KIRREL3: variants seen among roughly 807,000 people sequenced by gnomAD.
KIRREL3 encodes kin of IRRE-like protein 3.
Under a neutral mutation model 89.7 loss-of-function variants are expected in KIRREL3, and 36 were observed. That is an observed-to-expected ratio of 0.40 (90% CI 0.31 to 0.53). The LOEUF (loss-of-function observed/expected upper bound fraction) is 0.53, where lower values mean the gene tolerates loss of function less well. Among genes scored for constraint, KIRREL3 ranks in the 20% least tolerant of loss-of-function variants. The probability of loss-of-function intolerance (pLI) is 0.49; values close to 1 mark genes in which losing one functional copy is unlikely to be tolerated. For missense variants in KIRREL3, 864 were observed against 1,056.6 expected, an observed-to-expected ratio of 0.82 and a Z score of 2.53; for synonymous variants, 445 against 441.4, an observed-to-expected ratio of 1.01 and a Z score of -0.10.
intron 1 of KIRREL3, among the ~76,000 whole-genome samples, chr11:126,923,155 CTTCTTCTTCT>C (rs1947448700): frequency 4.7e-5 from 1 of 21,062 alleles, no homozygotes; most frequent in Admixed American, 6.0e-4. Flanking sequence ...TCTTCTTCTT[CTTCTTCTTCT>C]TCTTCTTCTT....
chr11:126,457,413 GTGTA>G lies in KIRREL3; in HGVS notation c.743-963_743-960del, dbSNP rs1432844451. ...TGTGTGTGTATGTGTGTATGCACGTGTGTATGTGTGTCTATGCGTGTGTGTATGT... is the reference window on the plus strand; with the variant it reads ...TGTGTGTGTATGTGTGTATGCACGTGTGTGTGTCTATGCGTGTGTGTATGT... On this transcript the variant is annotated intron_variant, in intron 6 of 16. Coordinates refer to ENST00000525144, the MANE Select transcript of KIRREL3 (RefSeq NM_032531.4). Among the ~76,000 whole-genome samples the G allele has an allele frequency of 2.0e-5, 3 of 151,736 alleles. No homozygotes were observed. In the East Asian group the frequency reaches 5.8e-4, roughly 29 times the overall value.
chr11:126,858,892 A>C (rs1052498112), intron 1 of KIRREL3, among the ~76,000 whole-genome samples: 1 of 152,188 alleles, frequency 6.6e-6, no homozygotes, highest in African/African-American at 2.4e-5. Flanking sequence ...TTTTCCTAGG[A>C]AAAAGATTAT....
At chr11:126,637,004 C>T (rs977748226) in intron 1 of KIRREL3, among the ~76,000 whole-genome samples, 18 of 152,108 alleles carry the variant, frequency 1.2e-4, no homozygotes, top group African/African-American at 4.1e-4. Flanking sequence ...ACTAGGCTAC[C>T]TCCCTTCCTC....
chr11:126,497,141 A>C (rs992653374), intron 4 of KIRREL3, among the ~76,000 whole-genome samples: 9 of 151,908 alleles, frequency 5.9e-5, no homozygotes, highest in East Asian at 1.9e-4. Flanking sequence ...TGACAGAGAG[A>C]GAGCGAGAGA....
At chr11:126,968,108 T>C (rs1359499014) in intron 1 of KIRREL3, among the ~76,000 whole-genome samples, 1 of 152,218 alleles carries the variant, frequency 6.6e-6, no homozygotes, top group Non-Finnish European at 1.5e-5. Context: ...AATGTAGAGT[T>C]GTTGGATTTT....
chr11:126,861,937 T>C (rs1350015234), intron 1 of KIRREL3, among the ~76,000 whole-genome samples: 1 of 152,200 alleles, frequency 6.6e-6, no homozygotes, highest in East Asian at 1.9e-4. Context: ...TCTCTAAACC[T>C]TTCCCATCAG....
At position 126,991,780 on chromosome 11, in the gene KIRREL3, T is replaced by C. The variant is rs1468910317; in HGVS notation, c.55+8675A>G. Among the ~76,000 whole-genome samples the C allele has an allele frequency of 6.6e-6, 1 of 152,200 alleles. No individual in the cohort carries two copies. Among genetic ancestry groups the C allele is most frequent in the East Asian group, 1.9e-4 (1 of 5,194 alleles). ...CTAGACACTGGGGATTGCCACAAAT[T>C]ATAAGACTATGACCTGTCTTATGAC... On this transcript the variant is annotated intron_variant, in intron 1 of 16. Transcript: ENST00000525144. This position sits in a 1 kb window ranked among gnomAD's most constrained non-coding sequence, Gnocchi z 5.8.
At position 126,615,458 on chromosome 11, in the gene KIRREL3, T is replaced by C. The variant is rs1943303921; in HGVS notation, c.56-52546A>G. 6.6e-6 allele frequency among the ~76,000 whole-genome samples: 1 copy of C among 152,186 alleles called. No homozygotes were observed. Among genetic ancestry groups the C allele is most frequent in the Non-Finnish European group, 1.5e-5 (1 of 68,034 alleles). The stretch of plus-strand genomic sequence containing the variant: ...ACCAGAGCTTTGGGAGGTTAAGGAA[T>C]GGGCAAAATCACAGCCAGTAGGTAG... On this transcript the variant is annotated intron_variant, in intron 1 of 16. Coordinates refer to ENST00000525144, the MANE Select transcript of KIRREL3 (RefSeq NM_032531.4). This position sits in a 1 kb window ranked among gnomAD's most constrained non-coding sequence, Gnocchi z 5.4.
At position 126,426,876 on chromosome 11, in the gene KIRREL3, A is replaced by C. The variant is rs147199226; in HGVS notation, c.1807-1152T>G. Among the ~76,000 whole-genome samples, 350 of 152,274 alleles carry C rather than the reference A, an allele frequency of 2.3e-3. 2 individuals are homozygous for C. Among genetic ancestry groups the C allele is most frequent in the African/African-American group, 7.1e-3 (295 of 41,548 alleles). On this transcript the variant is annotated intron_variant, in intron 15 of 16. Transcript: ENST00000525144. ...CAGTAAATGCTCTGGCACTGTCTGG[A>C]CTGGAGACCTTCTTTCCCATCAGAT...
intron 1 of KIRREL3, among the ~76,000 whole-genome samples, chr11:126,864,351 C>T (rs373872597): frequency 3.9e-5 from 6 of 152,238 alleles, no homozygotes; most frequent in East Asian, 3.9e-4. Flanking sequence ...GGAGCATCTC[C>T]GCTCCTTTTT....
At position 126,615,240 on chromosome 11, in the gene KIRREL3, C is replaced by A. The variant is rs1943296063; in HGVS notation, c.56-52328G>T. Among the ~76,000 whole-genome samples the A allele has an allele frequency of 6.6e-6, 1 of 152,170 alleles. No homozygotes were observed. The highest frequency in any genetic ancestry group is 1.5e-5 in the Non-Finnish European group (1 of 68,028). On this transcript the variant is annotated intron_variant, in intron 1 of 16. Transcript: ENST00000525144. The surrounding 1 kb of genome is among the most constrained non-coding windows in gnomAD (Gnocchi z 5.4). ...TTCTCTACAATGAGACGACATCTTT[C>A]TCATCTCTGTATTCTCAGCACCTAA...
In KIRREL3 at chr11:126,917,498, A is replaced by C. The variant is rs1947088613; in HGVS notation, c.55+82957T>G. ...ACCACAATAAAAAAATTAAAAAAAA[A>C]CAAGGAAAAACCTGCAAACAACAAA... On this transcript the variant is annotated intron_variant, in intron 1 of 16. Coordinates refer to ENST00000525144, the MANE Select transcript of KIRREL3 (RefSeq NM_032531.4). The surrounding 1 kb of genome is among the most constrained non-coding windows in gnomAD (Gnocchi z 5.0). Among the ~76,000 whole-genome samples the C allele has an allele frequency of 6.6e-6, 1 of 151,716 alleles. No individual in the cohort carries two copies. The highest frequency in any genetic ancestry group is 2.4e-5 in the African/African-American group (1 of 41,182).
Position 126,978,250 on chromosome 11 carries a change from C to T in KIRREL3, c.55+22205G>A, listed in dbSNP as rs1458037063. On this transcript the variant is annotated intron_variant, in intron 1 of 16. Transcript: ENST00000525144. This position sits in a 1 kb window ranked among gnomAD's most constrained non-coding sequence, Gnocchi z 4.2. ...CCAACATTTTCTTTGAAAGGTGACC[C>T]TGCTCCACTTCCTCTACCAACATTC... Among the ~76,000 whole-genome samples the T allele has an allele frequency of 6.6e-6, 1 of 152,174 alleles. No individual in the cohort carries two copies. The highest frequency in any genetic ancestry group is 1.5e-5 in the Non-Finnish European group (1 of 68,026).
chr11:126,887,844 T>A (rs984564392), intron 1 of KIRREL3, among the ~76,000 whole-genome samples: 4 of 152,164 alleles, frequency 2.6e-5, no homozygotes, highest in African/African-American at 4.8e-5. Context: ...CAGAATCAGT[T>A]AAACATAGGT....
rs764660716 is a variant in KIRREL3, at chr11:126,463,144, G to A, written c.742+13C>T. 2 of 1,611,180 alleles carry A rather than the reference G, an allele frequency of 1.2e-6. No homozygotes were observed. Among genetic ancestry groups the A allele is most frequent in the Non-Finnish European group, 1.7e-6 (2 of 1,178,910 alleles). On this transcript the variant is annotated intron_variant, in intron 6 of 16. Coordinates refer to ENST00000525144, the MANE Select transcript of KIRREL3 (RefSeq NM_032531.4). The surrounding 1 kb of genome is among the most constrained non-coding windows in gnomAD (Gnocchi z 5.9). ...CTGGCAGGGCTGGGTTGGGGGAGGG[G>A]GTGGGTACTCACGCTGGATGTCAAT...
chr11:126,820,800 C>G (rs1729659519), intron 1 of KIRREL3, among the ~76,000 whole-genome samples: 1 of 152,154 alleles, frequency 6.6e-6, no homozygotes, highest in Admixed American at 6.5e-5. Flanking sequence ...CCTTTTGTCA[C>G]TCACTGGCCG....
intron 1 of KIRREL3, among the ~76,000 whole-genome samples, chr11:126,718,758 C>G (rs1027053072): frequency 6.6e-6 from 1 of 152,130 alleles, no homozygotes; most frequent in African/African-American, 2.4e-5. Flanking sequence ...TTGCCAAGTT[C>G]ACCAGGGGCA....
In KIRREL3 at chr11:126,424,041, A is replaced by T. The variant is rs1034955932; in HGVS notation, c.*539T>A. The T allele has an allele frequency of 6.3e-6, 1 of 159,200 alleles. No individual in the cohort carries two copies. The highest frequency in any genetic ancestry group is 2.4e-5 in the African/African-American group (1 of 41,550). The allele number at this position is 159,200 out of a possible 1,614,324, so 9.9% of individuals were successfully genotyped here. On this transcript the variant is annotated 3_prime_UTR_variant, in exon 17 of 17. Transcript: ENST00000525144. ...GAGAGAGGCTCCTTTAGCCAAGGCC[A>T]TTTCTGGCTTGTCAGCCTCCAGGGT...
In KIRREL3 at chr11:126,471,279, A is replaced by C. The variant is rs148723346; in HGVS notation, c.591+2030T>G. On this transcript the variant is annotated intron_variant, in intron 5 of 16. Coordinates refer to ENST00000525144, the MANE Select transcript of KIRREL3 (RefSeq NM_032531.4). This position sits in a 1 kb window ranked among gnomAD's most constrained non-coding sequence, Gnocchi z 5.4. ...CAGCTATTCTGGAGGCTGAGGCAGG[A>C]GAATCACTTGAGCCCAGGAGGTGGA... Among the ~76,000 whole-genome samples the C allele has an allele frequency of 6.7e-3, 1,025 of 152,274 alleles. 14 individuals are homozygous for C. The highest frequency in any genetic ancestry group is 0.022 in the African/African-American group (909 of 41,538).
Sources: gnomAD v4.1 joint callset for allele counts (sites outside exome capture counted in the v4.1 genomes callset) on GRCh38, gnomAD v4.1.1 for gene constraint, Gnocchi (gnomAD v3.1) non-coding constraint, MANE v1.5 for transcripts, NCBI Gene and HGNC (gene_info 2026-07-23, HGNC 2026-07-21) for gene names.